The following SFXN5 variants were observed in gnomAD, a reference collection of about 807,000 sequenced individuals.
The protein encoded by SFXN5 is sideroflexin-5.
Under a neutral mutation model 50.2 loss-of-function variants are expected in SFXN5, and 43 were observed. The ratio of observed to expected loss-of-function variants is 0.86; its 90% confidence interval spans 0.67 to 1.11. The LOEUF is 1.11. SFXN5 is among the 50% of genes least tolerant of loss of function. The pLI is 0.00. For synonymous variants in SFXN5, 203 were observed against 185.8 expected (o/e 1.09, Z -0.75); for missense variants, 463 against 454.1 (o/e 1.02, Z -0.18).
intron 10 of SFXN5, among the ~76,000 whole-genome samples, chr2:72,986,478 G>C (rs1259649333): frequency 3.3e-5 from 5 of 152,266 alleles, no homozygotes; most frequent in African/African-American, 1.2e-4. Flanking sequence ...TCAGGACCAT[G>C]AGCCTGGGTC....
At chr2:73,058,227 T>G (rs913446581) in intron 2 of SFXN5, 3 of 260,226 alleles carry the variant, frequency 1.2e-5, no homozygotes, top group Non-Finnish European at 2.2e-5. Flanking sequence ...CTTATGTACT[T>G]GATAATAATT....
At chr2:73,041,011 T>A in intron 2 of SFXN5, 80 bp from the exon 3 acceptor site, 1 of 1,130,208 alleles carries the variant, frequency 8.8e-7, no homozygotes. Flanking sequence ...ATTACATCAG[T>A]ATCAAATACT....
At chr2:72,964,991 T>C (rs1339011321) in intron 12 of SFXN5, among the ~76,000 whole-genome samples, 1 of 152,238 alleles carries the variant, frequency 6.6e-6, no homozygotes, top group Non-Finnish European at 1.5e-5. Flanking sequence ...CCCACGGACC[T>C]AAGTGAGGAC....
chr2:73,019,955 T>A, intron 6 of SFXN5: 1 of 321,342 alleles, frequency 3.1e-6, no homozygotes. Context: ...TCCCTATGAC[T>A]AGCAGGTGCT....
At chr2:73,063,165 CTGAGA>C (rs1217953971) in intron 1 of SFXN5, among the ~76,000 whole-genome samples, 2 of 152,160 alleles carry the variant, frequency 1.3e-5, no homozygotes, top group Non-Finnish European at 2.9e-5. Context: ...TCATATCAGT[CTGAGA>C]TATTTAAAGG....
chr2:72,950,350 T>A lies in SFXN5; in HGVS notation c.946-5251A>T, dbSNP rs115104657. Among the ~76,000 whole-genome samples the A allele has an allele frequency of 4.6e-5, 7 of 152,256 alleles. No individual in the cohort carries two copies. The highest frequency in any genetic ancestry group is 3.4e-3 in the Middle Eastern group (1 of 294). ...TTTCAGTGACTGCCTGGGGTCCACA[T>A]TGTCCGACCCCCACCTCATGCTGAT... On this transcript the variant is annotated intron_variant, in intron 13 of 13. Transcript: ENST00000272433. This position sits in a 1 kb window ranked among gnomAD's most constrained non-coding sequence, Gnocchi z 4.2.
chr2:73,027,661 CT>C (rs908750970), intron 3 of SFXN5, among the ~76,000 whole-genome samples: 4 of 149,774 alleles, frequency 2.7e-5, no homozygotes, highest in Non-Finnish European at 3.0e-5. Context: ...CATTTTTTAT[CT>C]TTTTTTTTTC....
chr2:73,027,493 A>G (rs1677718661), intron 3 of SFXN5, among the ~76,000 whole-genome samples: 1 of 152,156 alleles, frequency 6.6e-6, no homozygotes, highest in African/African-American at 2.4e-5. Flanking sequence ...CATTTTTTAA[A>G]TAAATTTAGT....
intron 6 of SFXN5, among the ~76,000 whole-genome samples, chr2:73,012,584 A>C (rs1197962704): frequency 1.3e-5 from 2 of 150,932 alleles, no homozygotes; most frequent in Non-Finnish European, 2.9e-5. Flanking sequence ...CAGATATGCA[A>C]AGATTCAGAA....
At chr2:72,952,002 C>T (rs1222464206) in intron 13 of SFXN5, among the ~76,000 whole-genome samples, 5 of 152,146 alleles carry the variant, frequency 3.3e-5, no homozygotes, top group Non-Finnish European at 5.9e-5. Flanking sequence ...TTTGGGAGAG[C>T]TATCTTGAGT....
At chr2:72,978,267 G>A (rs1371497071) in intron 10 of SFXN5, among the ~76,000 whole-genome samples, 1 of 151,114 alleles carries the variant, frequency 6.6e-6, no homozygotes, top group African/African-American at 2.4e-5. Flanking sequence ...TCAGATGAAC[G>A]CATTTTTCTT....
chr2:73,035,030 A>G (rs2105899738), intron 3 of SFXN5, among the ~76,000 whole-genome samples: 1 of 152,282 alleles, frequency 6.6e-6, no homozygotes, highest in South Asian at 2.1e-4. Context: ...CATACTAGCT[A>G]TGTGACCTTA....
At chr2:73,048,053 G>A (rs1484839818) in intron 2 of SFXN5, among the ~76,000 whole-genome samples, 1 of 152,052 alleles carries the variant, frequency 6.6e-6, no homozygotes, top group Non-Finnish European at 1.5e-5. Context: ...TATACTCATA[G>A]GTAAAAGTAT....
chr2:73,060,122 C>A (rs1436222738), intron 1 of SFXN5, among the ~76,000 whole-genome samples: 1 of 152,138 alleles, frequency 6.6e-6, no homozygotes, highest in Non-Finnish European at 1.5e-5. Flanking sequence ...CAAATGACAT[C>A]CAGATCCTGG....
At chr2:72,984,212 T>C (rs920464787) in intron 10 of SFXN5, among the ~76,000 whole-genome samples, 2 of 152,230 alleles carry the variant, frequency 1.3e-5, no homozygotes, top group Non-Finnish European at 2.9e-5. Context: ...CCCACACGAT[T>C]GCTGTTCTAG....
At chr2:72,991,753 C>T (rs370306201) in intron 9 of SFXN5, among the ~76,000 whole-genome samples, 9 of 152,196 alleles carry the variant, frequency 5.9e-5, no homozygotes, top group African/African-American at 1.9e-4. Context: ...AATGCCAGCT[C>T]GTTTTTCCCT....
chr2:73,020,013 C>G, intron 6 of SFXN5: 1 of 508,496 alleles, frequency 2.0e-6, no homozygotes, highest in Non-Finnish European at 3.5e-6. Flanking sequence ...AGGCAATTTT[C>G]AACTCAACGC....
chr2:72,996,254 G>A (rs893196520), intron 9 of SFXN5, among the ~76,000 whole-genome samples: 8 of 152,288 alleles, frequency 5.3e-5, no homozygotes, highest in Admixed American at 5.2e-4. Context: ...ACAGGGAGGA[G>A]AAAGGAGGGA....
chr2:73,009,912 C>T (rs1675279451), intron 6 of SFXN5, among the ~76,000 whole-genome samples: 1 of 152,146 alleles, frequency 6.6e-6, no homozygotes, highest in South Asian at 2.1e-4. Context: ...GAAGACAGTG[C>T]TGGCATCTGC....
Sources: gnomAD v4.1 joint callset for allele counts (sites outside exome capture counted in the v4.1 genomes callset) on GRCh38, gnomAD v4.1.1 for gene constraint, Gnocchi (gnomAD v3.1) non-coding constraint, MANE v1.5 for transcripts, NCBI Gene and HGNC (gene_info 2026-07-23, HGNC 2026-07-21) for gene names.